UBR1: variants seen among roughly 807,000 people sequenced by gnomAD.
UBR1 encodes the protein ubiquitin protein ligase E3 component n-recognin 1.
A neutral mutation model predicts 242.1 loss-of-function variants in UBR1; 102 were observed. That is an observed-to-expected ratio of 0.42 (90% CI 0.36 to 0.50). UBR1 has a LOEUF of 0.50. Among genes scored for constraint, UBR1 ranks in the 20% least tolerant of loss-of-function variants. UBR1 has a pLI of 0.01. For missense variants in UBR1, 1,772 were observed against 2,101.8 expected (o/e 0.84, Z 3.07); for synonymous variants, 675 against 684.8 (o/e 0.99, Z 0.22).
chr15:43,067,184 C>T (rs185095105), intron 6 of UBR1, among the ~76,000 whole-genome samples: 1 of 152,164 alleles, frequency 6.6e-6, no homozygotes, highest in Admixed American at 6.5e-5. Context: ...TATGTAAATA[C>T]TTCATAAATG....
intron 19 of UBR1, among the ~76,000 whole-genome samples, chr15:43,035,830 C>CA (rs570082347): frequency 6.4e-4 from 96 of 150,224 alleles, no homozygotes; most frequent in African/African-American, 2.3e-3. Context: ...GGATCCAGAA[C>CA]AAAAAACCAA....
chr15:43,082,801 T>C (rs947899572), intron 2 of UBR1, 85 bp from the exon 3 acceptor site: 3 of 984,612 alleles, frequency 3.0e-6, no homozygotes, highest in African/African-American at 3.2e-5. Context: ...TGTGAACAAG[T>C]TTCCTCTATG....
chr15:43,017,559 C>T (rs903528775), intron 27 of UBR1, among the ~76,000 whole-genome samples: 21 of 152,134 alleles, frequency 1.4e-4, no homozygotes, highest in African/African-American at 4.6e-4. Context: ...CGGGTAATCT[C>T]AGCACTTTGG....
intron 15 of UBR1, 90 bp from the exon 16 acceptor site, chr15:43,038,322 G>C (rs1023183649): frequency 7.4e-6 from 10 of 1,354,318 alleles, no homozygotes; most frequent in Admixed American, 6.8e-5. Flanking sequence ...TGTGCGATTT[G>C]ATTTGGCTGG....
At chr15:42,983,809 T>C (rs2032418972) in intron 37 of UBR1, 88 bp downstream of exon 37, 3 of 837,330 alleles carry the variant, frequency 3.6e-6, no homozygotes, top group Admixed American at 3.5e-5. Flanking sequence ...GTGTATGTTG[T>C]TTCCTAATGA....
At chr15:43,059,588 C>CAAA (rs36021315) in intron 8 of UBR1, 114 bp downstream of exon 8, 33 of 1,012,202 alleles carry the variant, frequency 3.3e-5, no homozygotes, top group East Asian at 1.1e-4. Flanking sequence ...GTGTATAAAC[C>CAAA]AAAAAAAAAA....
At chr15:43,037,657 C>T (rs559563107) in intron 17 of UBR1, 116 bp downstream of exon 17, 1 of 851,300 alleles carries the variant, frequency 1.2e-6, no homozygotes, top group East Asian at 2.7e-5. Flanking sequence ...GGAGTTTATA[C>T]AAGAGAATAG....
chr15:43,002,292 G>C (rs914096524), intron 32 of UBR1, among the ~76,000 whole-genome samples: 2 of 152,078 alleles, frequency 1.3e-5, no homozygotes, highest in African/African-American at 4.8e-5. Context: ...CGACTCACTG[G>C]AGCTTCAATC....
intron 14 of UBR1, among the ~76,000 whole-genome samples, chr15:43,046,741 G>A (rs536358601): frequency 9.2e-5 from 14 of 152,220 alleles, no homozygotes; most frequent in African/African-American, 3.4e-4. Context: ...AGACGGTTAT[G>A]GTCTAAAATT....
intron 27 of UBR1, among the ~76,000 whole-genome samples, chr15:43,020,666 A>G (rs1449867660): frequency 1.3e-5 from 2 of 152,178 alleles, no homozygotes; most frequent in Non-Finnish European, 2.9e-5. Context: ...ATAAGGACCT[A>G]CAAGATCCGG....
chr15:43,026,742 A>G (rs1406663971), intron 22 of UBR1, 79 bp from the exon 23 acceptor site: 2 of 1,258,542 alleles, frequency 1.6e-6, no homozygotes, highest in African/African-American at 3.0e-5. Context: ...CCTAAAAATT[A>G]ATCTAGAAGT....
intron 4 of UBR1, among the ~76,000 whole-genome samples, chr15:43,071,240 T>A (rs1156615713): frequency 6.6e-6 from 1 of 152,204 alleles, no homozygotes; most frequent in Non-Finnish European, 1.5e-5. Context: ...TAACAACTGT[T>A]TATCCCTTAT....
chr15:42,977,676 G>A (rs551213289), intron 38 of UBR1, among the ~76,000 whole-genome samples: 12 of 146,016 alleles, frequency 8.2e-5, no homozygotes, highest in African/African-American at 2.8e-4. Flanking sequence ...ATTACAAATT[G>A]AAGTGCTTTT....
intron 7 of UBR1, 92 bp from the exon 8 acceptor site, chr15:43,059,917 C>G (rs2033662505): frequency 6.4e-7 from 1 of 1,562,572 alleles, no homozygotes; most frequent in African/African-American, 1.4e-5. Context: ...TCACATAACC[C>G]TGCCAGTTCC....
intron 17 of UBR1, among the ~76,000 whole-genome samples, chr15:43,037,112 T>C (rs1422392360): frequency 6.6e-6 from 1 of 151,420 alleles, no homozygotes; most frequent in African/African-American, 2.4e-5. Flanking sequence ...CTTTGGGAGG[T>C]TCAGGTGACC....
chr15:43,093,091 C>T (rs1315870431), intron 1 of UBR1, among the ~76,000 whole-genome samples: 2 of 152,106 alleles, frequency 1.3e-5, no homozygotes, highest in African/African-American at 4.8e-5. Flanking sequence ...ATTGACTATT[C>T]TGTAAAAAAC....
At chr15:43,065,998 T>C (rs1217705382) in intron 6 of UBR1, among the ~76,000 whole-genome samples, 1 of 152,226 alleles carries the variant, frequency 6.6e-6, no homozygotes, top group Non-Finnish European at 1.5e-5. Context: ...ATTTTTGCTT[T>C]TGTTGCAATT....
intron 23 of UBR1, chr15:43,026,341 C>A: frequency 2.1e-6 from 1 of 465,732 alleles, no homozygotes; most frequent in Non-Finnish European, 3.9e-6. Context: ...AATCCTCTTC[C>A]CAAAACAGCT....
chr15:43,015,839 T>C lies in UBR1; in HGVS notation c.3058A>G (p.Lys1020Glu). The change falls in exon 29 of 47, where the codon AAA becomes GAA. Residue 1020 changes from lysine (K) to glutamate (E), a missense_variant. By Grantham distance (56) the Lys-to-Glu change is moderately conservative. This residue lies in a region of UBR1 where 965 missense variants were observed against 1,079.7 expected (regional missense o/e 0.89). Coordinates refer to ENST00000290650, the MANE Select transcript of UBR1 (RefSeq NM_174916.3). ...AGCCTAGCAGCTTCAGCTTTTCTTT[T>C]TCGTTCTGCTTTTTCTTTATCATGA... ...ITHDKEKAERKRKAEAARLHR... is the reference protein window; with the variant it reads ...ITHDKEKAERERKAEAARLHR... 6.2e-7 allele frequency: 1 copy of C among 1,614,076 alleles called. No homozygotes were observed. Among genetic ancestry groups the C allele is most frequent in the Non-Finnish European group, 8.5e-7 (1 of 1,180,024 alleles).
Sources: gnomAD v4.1 joint callset for allele counts (sites outside exome capture counted in the v4.1 genomes callset) on GRCh38, gnomAD v4.1.1 for gene constraint, gnomAD v4.1.1 regional missense constraint, MANE v1.5 for transcripts, NCBI Gene and HGNC (gene_info 2026-07-23, HGNC 2026-07-21) for gene names.